Variants in CNTN6 observed in about 807,000 individuals in gnomAD.
CNTN6 encodes contactin-6.
A neutral mutation model predicts 122.8 loss-of-function variants in CNTN6; 137 were observed. The observed-to-expected ratio is 1.12, with a 90% CI of 0.97 to 1.29. CNTN6 has a LOEUF of 1.29. Ranked by LOEUF, CNTN6 falls within the 50% of genes most tolerant of loss-of-function variation. The pLI, the probability that CNTN6 is intolerant of heterozygous loss-of-function variation, is 0.00. For missense variants in CNTN6, 1,634 were observed against 1,223.4 expected, an observed-to-expected ratio of 1.34 and a Z score of -5.01; for synonymous variants, 570 against 426.0, an observed-to-expected ratio of 1.34 and a Z score of -4.16.
At chr3:1,300,618 G>T (rs1157454693) in intron 7 of CNTN6, among the ~76,000 whole-genome samples, 1 of 150,006 alleles carries the variant, frequency 6.7e-6, no homozygotes, top group Non-Finnish European at 1.5e-5. Context: ...AGAAAGAAAG[G>T]AAGAAAAGGA....
At chr3:1,378,210 A>G (rs1213185831) in intron 17 of CNTN6, among the ~76,000 whole-genome samples, 2 of 152,112 alleles carry the variant, frequency 1.3e-5, no homozygotes, top group African/African-American at 2.4e-5. Context: ...CGGAAGTGCA[A>G]TGCATACCCA....
chr3:1,378,058 T>C (rs1710139391), intron 17 of CNTN6, among the ~76,000 whole-genome samples: 1 of 152,126 alleles, frequency 6.6e-6, no homozygotes, highest in African/African-American at 2.4e-5. Flanking sequence ...TGGTGGTCCA[T>C]TTCCAGACTC....
chr3:1,094,494 G>T (rs1276577183), intron 1 of CNTN6, among the ~76,000 whole-genome samples: 2 of 151,858 alleles, frequency 1.3e-5, no homozygotes, highest in Non-Finnish European at 1.5e-5. Context: ...CTTTATGTGA[G>T]GTTATATAAA....
chr3:1,096,763 T>C (rs763078817), intron 1 of CNTN6, among the ~76,000 whole-genome samples: 12 of 152,198 alleles, frequency 7.9e-5, no homozygotes, highest in Non-Finnish European at 1.6e-4. Flanking sequence ...TGATCGGTTT[T>C]CTCTGATGTC....
rs374238611 is a variant in CNTN6 at position 1,133,614 on chromosome 3, C to A, written c.-82-14313C>A. Among the ~76,000 whole-genome samples, 9 of 152,164 alleles carry A rather than the reference C, an allele frequency of 5.9e-5. No individual in the cohort carries two copies. The South Asian group carries it at 1.9e-3, about 32-fold the overall frequency. On this transcript the variant is annotated intron_variant, in intron 1 of 22. Transcript: ENST00000446702. The stretch of plus-strand genomic sequence containing the variant: ...CAGCTGTGACTGCCCCCTCTTGAGG[C>A]GCTCATGGAGCCAGTCAGTGACTTT...
chr3:1,098,515 T>G (rs1305497234), intron 1 of CNTN6, among the ~76,000 whole-genome samples: 2 of 151,528 alleles, frequency 1.3e-5, no homozygotes, highest in East Asian at 3.9e-4. Flanking sequence ...TAAAGACCTT[T>G]CCATGATTTC....
intron 3 of CNTN6, 100 bp from the exon 4 acceptor site, chr3:1,227,718 G>T: frequency 8.0e-7 from 1 of 1,248,552 alleles, no homozygotes. Context: ...ATGTTTTTTG[G>T]TGTTTTTTAT....
At chr3:1,103,922 A>C (rs2124978722) in intron 1 of CNTN6, among the ~76,000 whole-genome samples, 1 of 152,256 alleles carries the variant, frequency 6.6e-6, no homozygotes, top group Admixed American at 6.5e-5. Flanking sequence ...TTCAATTCGT[A>C]CAAAAATTCT....
At chr3:1,251,725 C>T (rs1232417869) in intron 4 of CNTN6, among the ~76,000 whole-genome samples, 1 of 152,078 alleles carries the variant, frequency 6.6e-6, no homozygotes, top group African/African-American at 2.4e-5. Context: ...CCGGCATCTT[C>T]AGTCTAGAAA....
intron 5 of CNTN6, among the ~76,000 whole-genome samples, chr3:1,281,389 T>TGTAA (rs1286471643): frequency 6.6e-6 from 1 of 151,942 alleles, no homozygotes; most frequent in Non-Finnish European, 1.5e-5. Context: ...AAATCTCGTG[T>TGTAA]GTAAGTATTA....
At chr3:1,166,883 G>A (rs907905575) in intron 2 of CNTN6, among the ~76,000 whole-genome samples, 1 of 151,976 alleles carries the variant, frequency 6.6e-6, no homozygotes, top group Admixed American at 6.6e-5. Context: ...AGGGCCTATT[G>A]GGGAGTTGGG....
intron 2 of CNTN6, among the ~76,000 whole-genome samples, chr3:1,177,325 ATGT>A (rs1383167889): frequency 7.4e-4 from 112 of 152,300 alleles, no homozygotes; most frequent in African/African-American, 2.5e-3. Flanking sequence ...CTCAAGTGTG[ATGT>A]TGTTATGATT....
chr3:1,127,558 G>A (rs1395600669), intron 1 of CNTN6, among the ~76,000 whole-genome samples: 1 of 151,800 alleles, frequency 6.6e-6, no homozygotes, highest in Non-Finnish European at 1.5e-5. Context: ...GATAACACTA[G>A]CCAATAATTT....
intron 12 of CNTN6, among the ~76,000 whole-genome samples, chr3:1,367,246 A>C (rs1301680555): frequency 2.0e-5 from 3 of 152,066 alleles, no homozygotes. Context: ...GTAGGTCTCT[A>C]AAACTTATTC....
chr3:1,327,391 CAT>C, intron 9 of CNTN6, 64 bp from the exon 10 acceptor site: 2 of 1,483,174 alleles, frequency 1.3e-6, no homozygotes, highest in African/African-American at 1.4e-5. Context: ...TGTTTAATAA[CAT>C]ATCCTGGTTA....
At chr3:1,399,341 A>AGTTG (rs1695383708) in intron 20 of CNTN6, among the ~76,000 whole-genome samples, 1 of 152,094 alleles carries the variant, frequency 6.6e-6, no homozygotes, top group Non-Finnish European at 1.5e-5. Flanking sequence ...GAGGAAGGAT[A>AGTTG]GTTACAAAAT....
At chr3:1,255,491 T>A (rs4082750) in intron 4 of CNTN6, among the ~76,000 whole-genome samples, 42,018 of 151,378 alleles carry the variant, frequency 0.28, 6,165 homozygotes, top group South Asian at 0.43. Flanking sequence ...ATGGTGTCAG[T>A]AAAAGCTGGA....
chr3:1,244,106 A>C (rs1388784153), intron 4 of CNTN6, among the ~76,000 whole-genome samples: 1 of 152,144 alleles, frequency 6.6e-6, no homozygotes, highest in Non-Finnish European at 1.5e-5. Flanking sequence ...ATTTAGAGCC[A>C]TTGTCAAGTT....
chr3:1,098,501 AAAAT>A (rs1221533627), intron 1 of CNTN6, among the ~76,000 whole-genome samples: 2 of 151,560 alleles, frequency 1.3e-5, no homozygotes, highest in Non-Finnish European at 2.9e-5. Flanking sequence ...AATAAAATAA[AAAAT>A]AAAGACCTTT....
Sources: allele counts gnomAD v4.1 joint callset (sites outside exome capture counted in the v4.1 genomes callset), GRCh38; gene constraint gnomAD v4.1.1; transcripts MANE v1.5; gene names NCBI Gene and HGNC (gene_info 2026-07-23, HGNC 2026-07-21).